Variants in SP140 observed in about 807,000 individuals in gnomAD.
SP140 encodes the protein SP140 nuclear body protein.
SP140 carries 81 observed loss-of-function variants against 125.0 expected under a neutral mutation model. The ratio of observed to expected loss-of-function variants is 0.65; its 90% CI spans 0.54 to 0.78. The LOEUF (loss-of-function observed/expected upper bound fraction) is 0.78, where lower values mean the gene tolerates loss of function less well. SP140 is among the 30% of genes least tolerant of loss of function. SP140 has a pLI of 0.00. For synonymous variants in SP140, 312 were observed against 354.0 expected, an observed-to-expected ratio of 0.88 and a Z score of 1.33; for missense variants, 858 against 1,037.0, an observed-to-expected ratio of 0.83 and a Z score of 2.37.
Position 230,214,193 on chromosome 2 carries a change from T to G in SP140, c.-91+119T>G, listed in dbSNP as rs565097513. On this transcript the variant is annotated intron_variant, in intron 3 of 4. Coordinates refer to the SP140 transcript ENST00000456542. ...CTGCCACTGTTCTTTTTCCTACTCC[T>G]TTATTTATCCAGTCTCTTTTCTTTC... 5 of 152,464 alleles carry G rather than the reference T, an allele frequency of 3.3e-5. No individual in the cohort carries two copies. In the East Asian group the frequency reaches 9.6e-4, roughly 29 times the overall value. The allele number at this position is 152,464 out of a possible 1,614,324, so 9.4% of individuals were successfully genotyped here. A position where few individuals can be genotyped will look rare whatever the true frequency, so the allele number is the denominator to read the frequency against.
At chr2:230,268,937 T>C (rs2053533132) in intron 12 of SP140, among the ~76,000 whole-genome samples, 1 of 152,228 alleles carries the variant, frequency 6.6e-6, no homozygotes, top group Non-Finnish European at 1.5e-5. Flanking sequence ...TATTCCTAGC[T>C]AAGCAAGGCA....
At chr2:230,236,128 G>A (rs2047979665) in intron 1 of SP140, among the ~76,000 whole-genome samples, 1 of 152,136 alleles carries the variant, frequency 6.6e-6, no homozygotes, top group African/African-American at 2.4e-5. Context: ...GCCTGTCTCG[G>A]CCTCCCAAAG....
At chr2:230,195,321 C>T in the SP140 span, among the ~76,000 whole-genome samples, 2 of 152,114 alleles carry the variant, frequency 1.3e-5, no homozygotes, top group African/African-American at 2.4e-5. Flanking sequence ...AGAGGACTAA[C>T]ATTTAATATA....
intron 1 of SP140, among the ~76,000 whole-genome samples, chr2:230,231,821 C>G (rs185807368): frequency 1.3e-5 from 2 of 152,262 alleles, no homozygotes; most frequent in Admixed American, 6.5e-5. Context: ...ATTCTCCTGC[C>G]TCTGCCTCCT....
chr2:230,308,715 C>A (rs1258106902), intron 22 of SP140, among the ~76,000 whole-genome samples: 1 of 152,172 alleles, frequency 6.6e-6, no homozygotes, highest in Non-Finnish European at 1.5e-5. Flanking sequence ...ATCAGCTATT[C>A]AAAAATACGC....
upstream of SP140, chr2:230,221,622 A>G: frequency 7.7e-7 from 1 of 1,305,174 alleles, no homozygotes. Flanking sequence ...CTCAGCATGC[A>G]GTAACATACA....
intron 6 of SP140, 33 bp downstream of exon 6, chr2:230,245,113 T>A: frequency 6.9e-7 from 1 of 1,441,468 alleles, no homozygotes; most frequent in Non-Finnish European, 9.8e-7. Context: ...ATTATCTCAT[T>A]AAATTAGTTG....
chr2:230,198,282 A>G (rs956061927), upstream of SP140, among the ~76,000 whole-genome samples: 1 of 152,120 alleles, frequency 6.6e-6, no homozygotes, highest in African/African-American at 2.4e-5. Context: ...CAGAAGTGAC[A>G]CCCATCTCTC....
At chr2:230,192,806 G>C in the SP140 span, among the ~76,000 whole-genome samples, 1 of 152,128 alleles carries the variant, frequency 6.6e-6, no homozygotes, top group African/African-American at 2.4e-5. Flanking sequence ...GGTCTATCTT[G>C]GAGAATGTTC....
At position 230,211,710 on chromosome 2, in the gene SP140, A is replaced by C. The variant is rs1367412459; in HGVS notation, c.-322-1944A>C. 1.3e-5 allele frequency among the ~76,000 whole-genome samples: 2 copies of C among 152,150 alleles called. No individual in the cohort carries two copies. The highest frequency in any genetic ancestry group is 2.9e-5 in the Non-Finnish European group (2 of 68,026). ...GCATAGAGTGGGAAAGTAAGCAACC[A>C]TTCACTCTCAATTAGCCACTTGTTC... On this transcript the variant is annotated intron_variant, in intron 1 of 4. Coordinates refer to the SP140 transcript ENST00000456542. The surrounding 1 kb of genome is among the most constrained non-coding windows in gnomAD (Gnocchi z 4.2).
intron 15 of SP140, among the ~76,000 whole-genome samples, chr2:230,280,788 T>G (rs1178508876): frequency 6.6e-6 from 1 of 152,118 alleles, no homozygotes; most frequent in East Asian, 1.9e-4. Flanking sequence ...CTATTATCAT[T>G]TTTACAGTTG....
intron 20 of SP140, among the ~76,000 whole-genome samples, chr2:230,293,879 G>A (rs577612306): frequency 6.6e-6 from 1 of 152,242 alleles, no homozygotes; most frequent in South Asian, 2.1e-4. Context: ...ATCTTCATGT[G>A]CCCAAGATTG....
chr2:230,284,822 C>T (rs892174210), intron 16 of SP140, among the ~76,000 whole-genome samples: 1 of 151,800 alleles, frequency 6.6e-6, no homozygotes, highest in African/African-American at 2.4e-5. Flanking sequence ...TTTTATGTAT[C>T]CTGATATACA....
At chr2:230,210,332 G>T (rs2044329738) in intron 1 of SP140, among the ~76,000 whole-genome samples, 1 of 152,168 alleles carries the variant, frequency 6.6e-6, no homozygotes, top group Non-Finnish European at 1.5e-5. Flanking sequence ...AACTGTGCTG[G>T]GTATCATGAC....
chr2:230,272,413 G>T (rs2054061239), intron 15 of SP140, among the ~76,000 whole-genome samples: 1 of 152,144 alleles, frequency 6.6e-6, no homozygotes, highest in South Asian at 2.1e-4. Context: ...TTGTGGGAGG[G>T]ACCCAGTGGC....
At chr2:230,293,517 A>G (rs190360609) in intron 20 of SP140, among the ~76,000 whole-genome samples, 2 of 151,914 alleles carry the variant, frequency 1.3e-5, no homozygotes, top group African/African-American at 4.8e-5. Flanking sequence ...TTGTATTTTT[A>G]GTAGAAATGG....
chr2:230,186,271 C>T, the SP140 span: 1 of 879,484 alleles, frequency 1.1e-6, no homozygotes, highest in Non-Finnish European at 1.8e-6. Context: ...TTTCTTCCCC[C>T]CAGACTCATA....
upstream of SP140, chr2:230,221,785 C>A: frequency 1.4e-6 from 2 of 1,462,054 alleles, no homozygotes; most frequent in South Asian, 1.2e-5. Context: ...TCCTTTAGAT[C>A]TATTCAGAGA....
chr2:230,307,978 TATATATATATATACACACAC>T (rs1281138283), intron 22 of SP140, among the ~76,000 whole-genome samples: 3 of 94,534 alleles, frequency 3.2e-5, no homozygotes, highest in African/African-American at 1.1e-4. Context: ...TATATATATA[TATATATATATATACACACAC>T]ACACACACAC....
Sources: gnomAD v4.1 joint callset for allele counts (sites outside exome capture counted in the v4.1 genomes callset) on GRCh38, gnomAD v4.1.1 for gene constraint, Gnocchi (gnomAD v3.1) non-coding constraint, MANE v1.5 for transcripts, NCBI Gene and HGNC (gene_info 2026-07-23, HGNC 2026-07-21) for gene names.